Variants in NME9 observed in about 807,000 individuals in gnomAD.
NME9 encodes the protein NME/NM23 family member 9, also known as thioredoxin domain-containing protein 6.
A neutral mutation model predicts 44.4 loss-of-function variants in NME9; 48 were observed. The observed-to-expected ratio is 1.08, with a 90% CI of 0.86 to 1.37. The LOEUF is 1.37. NME9 is among the 40% of genes most tolerant of loss of function. NME9 has a pLI of 0.00. For synonymous variants in NME9, 139 were observed against 147.1 expected, an observed-to-expected ratio of 0.94 and a Z score of 0.40; for missense variants, 325 against 405.2, an observed-to-expected ratio of 0.80 and a Z score of 1.70.
In NME9 at chr3:138,301,200, C is replaced by CT. The variant is rs1012349169; in HGVS notation, c.*439dup. On this transcript the variant is annotated 3_prime_UTR_variant, in exon 11 of 11. Coordinates refer to ENST00000333911, the MANE Select transcript of NME9 (RefSeq NM_001349018.2). ...AAGTATATACTATTCTCTTTCTTTACTTTTTTTTTTATTATTATTATTAAG... is the reference window on the plus strand; with the variant it reads ...AAGTATATACTATTCTCTTTCTTTACTTTTTTTTTTTATTATTATTATTAAG... The CT allele has an allele frequency of 0.01, 7,321 of 717,918 alleles. No homozygotes were observed. The highest frequency in any genetic ancestry group is 0.011 in the Middle Eastern group (15 of 1,328). 44.5% of individuals were successfully genotyped at this position (717,918 alleles called of 1,614,324 possible). A position where few individuals can be genotyped will look rare whatever the true frequency, so the allele number is the denominator to read the frequency against.
chr3:138,318,015 G>C (rs907575374), intron 4 of NME9, 133 bp downstream of exon 4: 1 of 670,018 alleles, frequency 1.5e-6, no homozygotes, highest in Non-Finnish European at 2.7e-6. Flanking sequence ...AGCATCACTT[G>C]TTTGAATCTG....
At chr3:138,313,573 A>G (rs2052853889) in intron 6 of NME9, among the ~76,000 whole-genome samples, 1 of 152,186 alleles carries the variant, frequency 6.6e-6, no homozygotes, top group African/African-American at 2.4e-5. Context: ...TACTATGTAT[A>G]TATCCAAAAG....
intron 8 of NME9, among the ~76,000 whole-genome samples, chr3:138,293,477 C>T (rs2051179392): frequency 6.6e-6 from 1 of 151,558 alleles, no homozygotes; most frequent in Admixed American, 6.6e-5. Flanking sequence ...AGGCAGAGAT[C>T]GTGGTGAGCC....
At chr3:138,263,019 A>G (rs1163081236) in intron 8 of NME9, among the ~76,000 whole-genome samples, 1 of 152,256 alleles carries the variant, frequency 6.6e-6, no homozygotes, top group African/African-American at 2.4e-5. Flanking sequence ...GAAGAACTCA[A>G]CAAATGTGTT....
chr3:138,283,098 C>G (rs1044091710), intron 8 of NME9, among the ~76,000 whole-genome samples: 1 of 152,178 alleles, frequency 6.6e-6, no homozygotes, highest in African/African-American at 2.4e-5. Flanking sequence ...AGCTATTGGA[C>G]TATACAATTT....
Position 138,295,762 on chromosome 3 carries a change from T to C in NME9, c.745+7745A>G, listed in dbSNP as rs1313820090. 5.6e-6 allele frequency: 8 copies of C among 1,426,136 alleles called. 1 individual carries two copies. In the South Asian group the frequency reaches 8.6e-5, roughly 15 times the overall value. 88.3% of individuals were successfully genotyped at this position (1,426,136 alleles called of 1,614,324 possible). A position where few individuals can be genotyped will look rare whatever the true frequency, so the allele number is the denominator to read the frequency against. Reference sequence around the variant, plus strand: ...ACCCCAATTCCCTCTGGAGATTTACTTTTTTAGACTTCCCCAGCTATCATC... The same window carrying C: ...ACCCCAATTCCCTCTGGAGATTTACCTTTTTAGACTTCCCCAGCTATCATC... On this transcript the variant is annotated intron_variant, in intron 8 of 8. Transcript: ENST00000317876.
intron 8 of NME9, among the ~76,000 whole-genome samples, chr3:138,294,687 A>G (rs1577080090): frequency 6.6e-6 from 1 of 152,086 alleles, no homozygotes; most frequent in African/African-American, 2.4e-5. Flanking sequence ...CTTTCTTTCC[A>G]TAGCTTAGAA....
chr3:138,267,134 T>C (rs1192365067), intron 8 of NME9: 1 of 1,286,098 alleles, frequency 7.8e-7, no homozygotes, highest in Non-Finnish European at 1.1e-6. Flanking sequence ...TCATTAGTAG[T>C]ATCCTTTTTT....
In NME9 at chr3:138,270,190, G is replaced by T. The variant is rs144732109; in HGVS notation, c.746-7604C>A. The T allele has an allele frequency of 8.9e-5, 113 of 1,270,126 alleles. No homozygotes were observed. In the African/African-American group the frequency reaches 1.5e-3, roughly 17 times the overall value. 78.7% of individuals were successfully genotyped at this position (1,270,126 alleles called of 1,614,324 possible). On this transcript the variant is annotated intron_variant, in intron 8 of 8. Coordinates refer to the NME9 transcript ENST00000317876. ...CAAAAGGAATACAGCTATTGTCTAAGTTAGAACTATAATGTGTTATTTGAA... is the reference window on the plus strand; with the variant it reads ...CAAAAGGAATACAGCTATTGTCTAATTTAGAACTATAATGTGTTATTTGAA...
At chr3:138,315,461 G>A in intron 5 of NME9, 66 bp downstream of exon 5, 3 of 1,057,482 alleles carry the variant, frequency 2.8e-6, no homozygotes, top group Non-Finnish European at 4.2e-6. Context: ...AGGAGATGGG[G>A]ACTGCTGATC....
chr3:138,298,746 G>A (rs945802641), downstream of NME9, among the ~76,000 whole-genome samples: 1 of 152,188 alleles, frequency 6.6e-6, no homozygotes, highest in Non-Finnish European at 1.5e-5. Context: ...GCAAGAGCTT[G>A]CTATCCCTCT....
intron 8 of NME9, chr3:138,267,249 TTGA>T: frequency 6.6e-7 from 1 of 1,517,958 alleles, no homozygotes; most frequent in Non-Finnish European, 9.0e-7. Context: ...GAGGTTAGTA[TTGA>T]TTTTCTTTTC....
intron 8 of NME9, among the ~76,000 whole-genome samples, chr3:138,286,320 T>G (rs1305743517): frequency 6.6e-6 from 1 of 152,076 alleles, no homozygotes; most frequent in Non-Finnish European, 1.5e-5. Flanking sequence ...TTTTTTAACC[T>G]CCTCTGTTTC....
intron 8 of NME9, among the ~76,000 whole-genome samples, chr3:138,292,838 C>T (rs1277640815): frequency 6.6e-6 from 1 of 152,084 alleles, no homozygotes; most frequent in Non-Finnish European, 1.5e-5. Context: ...ATCTAGAGTC[C>T]CTCCAGCATT....
In NME9 at chr3:138,329,406, G is replaced by T. The variant is rs984508031; in HGVS notation, c.-71C>A. 10 of 1,534,248 alleles carry T rather than the reference G, an allele frequency of 6.5e-6. No homozygotes were observed. In the Admixed American group the frequency reaches 1.4e-4, roughly 21 times the overall value. On this transcript the variant is annotated 5_prime_UTR_variant, in exon 1 of 11. Transcript: ENST00000333911. ...TTCCCCCGCAGCCTCGCGACAAACC[G>T]CTGCGTGGATCAGCAAGCCCAGAGC...
chr3:138,300,677 G>C (rs534793872), downstream of NME9, among the ~76,000 whole-genome samples: 120 of 152,316 alleles, frequency 7.9e-4, no homozygotes, highest in Non-Finnish European at 7.9e-4. Flanking sequence ...CCCACTAGGA[G>C]CTCTCAGCTT....
intron 4 of NME9, 127 bp from the exon 5 acceptor site, chr3:138,315,770 T>C: frequency 1.5e-6 from 1 of 677,264 alleles, no homozygotes; most frequent in Non-Finnish European, 2.5e-6. Context: ...AGCAGCGTGC[T>C]CACTTCTGCT....
intron 8 of NME9, among the ~76,000 whole-genome samples, chr3:138,266,808 G>T (rs929898618): frequency 6.6e-6 from 1 of 152,116 alleles, no homozygotes; most frequent in Non-Finnish European, 1.5e-5. Context: ...CTCATAAGGG[G>T]CTTGACTGAT....
intron 8 of NME9, chr3:138,295,719 A>G: frequency 1.3e-6 from 1 of 743,984 alleles, no homozygotes; most frequent in Non-Finnish European, 2.2e-6. Flanking sequence ...CCCTTAAGGT[A>G]GGTGCCCACC....
Sources: allele counts gnomAD v4.1 joint callset (sites outside exome capture counted in the v4.1 genomes callset), GRCh38; gene constraint gnomAD v4.1.1; transcripts MANE v1.5; gene names NCBI Gene and HGNC (gene_info 2026-07-23, HGNC 2026-07-21).